TTC7B: variants seen among roughly 807,000 people sequenced by gnomAD.
TTC7B encodes the protein tetratricopeptide repeat domain 7B.
A neutral mutation model predicts 106.8 loss-of-function variants in TTC7B; 28 were observed. That is an observed-to-expected ratio of 0.26 (90% CI 0.19 to 0.36). TTC7B has a LOEUF of 0.36. TTC7B is among the 10% of genes least tolerant of loss of function. TTC7B has a pLI of 1.00. For missense variants in TTC7B, 862 were observed against 1,076.4 expected, an observed-to-expected ratio of 0.80 and a Z score of 2.79; for synonymous variants, 405 against 430.6, an observed-to-expected ratio of 0.94 and a Z score of 0.74.
intron 15 of TTC7B, among the ~76,000 whole-genome samples, chr14:90,643,578 T>G (rs1885287572): frequency 6.6e-6 from 1 of 152,008 alleles, no homozygotes; most frequent in South Asian, 2.1e-4. Flanking sequence ...TGTTTGTTTG[T>G]TTGTTTGTTT....
chr14:90,666,935 GGTCT>G (rs1328104027), intron 9 of TTC7B, among the ~76,000 whole-genome samples: 3 of 152,122 alleles, frequency 2.0e-5, no homozygotes, highest in Non-Finnish European at 4.4e-5. Context: ...TTGAGTAAGG[GGTCT>G]CCGGGGTCCT....
At chr14:90,678,114 C>T (rs1049778913) in intron 8 of TTC7B, among the ~76,000 whole-genome samples, 1 of 152,190 alleles carries the variant, frequency 6.6e-6, no homozygotes, top group African/African-American at 2.4e-5. Context: ...TCAAGTTATA[C>T]TAAATGCATT....
intron 9 of TTC7B, among the ~76,000 whole-genome samples, chr14:90,668,547 C>T (rs1469389396): frequency 6.6e-6 from 1 of 152,092 alleles, no homozygotes; most frequent in Non-Finnish European, 1.5e-5. Context: ...TTATTAATGC[C>T]ACCAATAACA....
chr14:90,755,280 A>G (rs929342246), intron 3 of TTC7B, among the ~76,000 whole-genome samples: 1 of 152,164 alleles, frequency 6.6e-6, no homozygotes, highest in Non-Finnish European at 1.5e-5. Context: ...CTGTCTTGTT[A>G]TATTATTTTT....
chr14:90,563,477 C>T (rs544581438), intron 19 of TTC7B, among the ~76,000 whole-genome samples: 5 of 152,240 alleles, frequency 3.3e-5, no homozygotes, highest in Non-Finnish European at 7.3e-5. Flanking sequence ...ATGTGACCCT[C>T]AGCAAGTGAT....
chr14:90,660,754 T>C (rs748379635), intron 9 of TTC7B, among the ~76,000 whole-genome samples: 11 of 152,202 alleles, frequency 7.2e-5, no homozygotes, highest in Non-Finnish European at 1.5e-4. Context: ...TTTTAAATGA[T>C]ATATACAGAG....
chr14:90,662,503 T>C (rs1254764570), intron 9 of TTC7B, among the ~76,000 whole-genome samples: 1 of 152,164 alleles, frequency 6.6e-6, no homozygotes, highest in Non-Finnish European at 1.5e-5. Flanking sequence ...ACCCTTACCT[T>C]CCAGCCCCCA....
chr14:90,796,697 A>G (rs756564718), intron 1 of TTC7B, among the ~76,000 whole-genome samples: 14 of 152,268 alleles, frequency 9.2e-5, no homozygotes, highest in Non-Finnish European at 1.9e-4. Flanking sequence ...CTCAGTTTCT[A>G]TGTCAATAGA....
intron 19 of TTC7B, among the ~76,000 whole-genome samples, chr14:90,547,405 C>A (rs1425999924): frequency 1.3e-5 from 2 of 152,260 alleles, no homozygotes; most frequent in African/African-American, 4.8e-5. Flanking sequence ...CCCCGGAAGG[C>A]TCCTGTGTGC....
In TTC7B at chr14:90,570,913, C is replaced by T. The variant is rs1378279450; in HGVS notation, c.2310+7193G>A. ...TATCTCGGGGTACGCAGTTAGTAAG[C>T]GACACAGCTGGGACTGGAACCCAGG... On this transcript the variant is annotated intron_variant, in intron 19 of 19. Transcript: ENST00000328459. This position sits in a 1 kb window ranked among gnomAD's most constrained non-coding sequence, Gnocchi z 4.0. Among the ~76,000 whole-genome samples the T allele has an allele frequency of 1.3e-5, 2 of 152,056 alleles. No homozygotes were observed. The highest frequency in any genetic ancestry group is 3.9e-4 in the East Asian group (2 of 5,188).
intron 16 of TTC7B, 128 bp downstream of exon 16, chr14:90,617,801 C>T: frequency 1.4e-6 from 1 of 704,366 alleles, no homozygotes; most frequent in Non-Finnish European, 2.5e-6. Context: ...TATCATCTGC[C>T]ACTTGTGGGG....
intron 3 of TTC7B, among the ~76,000 whole-genome samples, chr14:90,750,178 T>C (rs144498495): frequency 2.6e-3 from 393 of 152,348 alleles, no homozygotes; most frequent in African/African-American, 9.0e-3. Flanking sequence ...ATGCTTTAAG[T>C]GCTCACTTGC....
rs557807121 is a variant in TTC7B, at chr14:90,588,683, T to C, written c.2107+4803A>G. Among the ~76,000 whole-genome samples the C allele has an allele frequency of 9.2e-5, 14 of 152,260 alleles. 1 individual carries two copies. The highest frequency in any genetic ancestry group is 3.1e-4 in the African/African-American group (13 of 41,554). ...CTTCTATCCAGCCTGGGCTCCCACA[T>C]TGTAAAAATGGAGAAAATAACCTTT... On this transcript the variant is annotated intron_variant, in intron 18 of 19. Transcript: ENST00000328459.
chr14:90,721,332 T>A (rs1180609132), intron 5 of TTC7B, among the ~76,000 whole-genome samples: 1 of 152,198 alleles, frequency 6.6e-6, no homozygotes, highest in Admixed American at 6.5e-5. Flanking sequence ...AGTAATTACC[T>A]GTCTCCACAA....
At chr14:90,680,403 G>A (rs1346187356) in intron 8 of TTC7B, 69 bp downstream of exon 8, 5 of 1,167,088 alleles carry the variant, frequency 4.3e-6, no homozygotes, top group Non-Finnish European at 6.4e-6. Flanking sequence ...GATACTGGCA[G>A]AATGGCTATA....
intron 18 of TTC7B, among the ~76,000 whole-genome samples, chr14:90,581,507 C>T (rs941083010): frequency 7.9e-5 from 12 of 152,308 alleles, no homozygotes; most frequent in Admixed American, 1.3e-4. Flanking sequence ...TTTTGGTTCT[C>T]GAGTGCAGTG....
chr14:90,713,654 T>A (rs1016252861), intron 5 of TTC7B, among the ~76,000 whole-genome samples: 1 of 152,062 alleles, frequency 6.6e-6, no homozygotes, highest in African/African-American at 2.4e-5. Context: ...AAACACAAAC[T>A]TACCATATGA....
intron 3 of TTC7B, among the ~76,000 whole-genome samples, chr14:90,776,095 T>C (rs532437295): frequency 4.0e-5 from 6 of 150,782 alleles, no homozygotes; most frequent in African/African-American, 1.2e-4. Context: ...CCTGTTATAG[T>C]AGGCAGTTAG....
chr14:90,801,933 T>A (rs1228112279), intron 1 of TTC7B, among the ~76,000 whole-genome samples: 1 of 151,870 alleles, frequency 6.6e-6, no homozygotes, highest in African/African-American at 2.4e-5. Context: ...TGGTGGTGGG[T>A]GCCTGTAATC....
Sources: gnomAD v4.1 joint callset for allele counts (sites outside exome capture counted in the v4.1 genomes callset) on GRCh38, gnomAD v4.1.1 for gene constraint, Gnocchi (gnomAD v3.1) non-coding constraint, MANE v1.5 for transcripts, NCBI Gene and HGNC (gene_info 2026-07-23, HGNC 2026-07-21) for gene names.